Variants in ADPRM observed in about 807,000 individuals in gnomAD.
ADPRM encodes manganese-dependent ADP-ribose/CDP-alcohol diphosphatase.
Under a neutral mutation model 27.2 loss-of-function variants are expected in ADPRM, and 17 were observed. The observed-to-expected ratio is 0.63, with a 90% CI of 0.43 to 0.94. ADPRM has a LOEUF of 0.94. ADPRM is among the 40% of genes least tolerant of loss of function. The pLI, the probability that ADPRM is intolerant of heterozygous loss-of-function variation, is 0.00. For missense variants in ADPRM, 337 were observed against 412.8 expected, an observed-to-expected ratio of 0.82 and a Z score of 1.59; for synonymous variants, 135 against 145.3, an observed-to-expected ratio of 0.93 and a Z score of 0.51.
rs1184131338 is a variant in ADPRM, at chr17:10,710,966, ACTCTGAGGATC to A, written c.854_864del (p.Ser285PhefsTer13). On this transcript the variant is annotated frameshift_variant, in exon 4 of 4. Coordinates refer to ENST00000379774, the MANE Select transcript of ADPRM (RefSeq NM_020233.5). LOFTEE classifies it high-confidence loss of function. ...GCTGGTCACACCCATGATGGTGGCT[ACTCTGAGGATC>A]CTTTTGGTGTATACCACGTCAACCT... The A allele has an allele frequency of 2.1e-5, 34 of 1,613,952 alleles. No individual in the cohort carries two copies. The highest frequency in any genetic ancestry group is 2.7e-5 in the Non-Finnish European group (32 of 1,180,022).
At position 10,702,482 on chromosome 17, in the gene ADPRM, A is replaced by C. The variant is rs115923432; in HGVS notation, c.-17-2428A>C. Reference sequence around the variant, plus strand: ...AAATGACCAGTGTTCTAGCAGGGACAGGTGAATTTAGGTATTCAACTAATG... The same window carrying C: ...AAATGACCAGTGTTCTAGCAGGGACCGGTGAATTTAGGTATTCAACTAATG... On this transcript the variant is annotated intron_variant, in intron 1 of 3. Transcript: ENST00000379774. This position sits in a 1 kb window ranked among gnomAD's most constrained non-coding sequence, Gnocchi z 4.2. 3.2e-3 allele frequency among the ~76,000 whole-genome samples: 489 copies of C among 152,356 alleles called. No homozygotes were observed. The highest frequency in any genetic ancestry group is 0.011 in the African/African-American group (459 of 41,580).
At position 10,705,630 on chromosome 17, in the gene ADPRM, T is replaced by G. The variant is rs2074807920; in HGVS notation, c.601+103T>G. On this transcript the variant is annotated intron_variant, in intron 2 of 3. Transcript: ENST00000379774. The surrounding 1 kb of genome is among the most constrained non-coding windows in gnomAD (Gnocchi z 5.4). ...GGACAATTAAGGTAAAAGTATATTG[T>G]CACTTGTTCAGGGTCAGGATTTCTC... The G allele has an allele frequency of 2.0e-6, 3 of 1,473,910 alleles. No individual in the cohort carries two copies. Among genetic ancestry groups the G allele is most frequent in the South Asian group, 1.4e-5 (1 of 73,562 alleles). The allele number at this position is 1,473,910 out of a possible 1,614,324, so 91.3% of individuals were successfully genotyped here. A position where few individuals can be genotyped will look rare whatever the true frequency, so the allele number is the denominator to read the frequency against.
In ADPRM at chr17:10,711,010, G is replaced by A. The variant is rs770164926; in HGVS notation, c.895G>A (p.Val299Ile). The A allele has an allele frequency of 1.9e-6, 3 of 1,614,130 alleles. No individual in the cohort carries two copies. Among genetic ancestry groups the A allele is most frequent in the Admixed American group, 3.3e-5 (2 of 60,012 alleles). The change falls in exon 4 of 4, where the codon GTT becomes ATT. Residue 299 changes from valine (V) to isoleucine (I), a missense_variant. Coordinates refer to ENST00000379774, the MANE Select transcript of ADPRM (RefSeq NM_020233.5). ...FGVYHVNLEG[V>I]IETAPDSQAF... ...TGTATACCACGTCAACCTAGAAGGA[G>A]TTATTGAAACAGCTCCAGACAGCCA... is the stretch of plus-strand genomic sequence containing the variant.
intron 1 of ADPRM, chr17:10,698,446 G>A (rs1013274236): frequency 1.3e-5 from 2 of 151,806 alleles, no homozygotes; most frequent in African/African-American, 4.8e-5. Context: ...CTCCCTCCCC[G>A]CCCCTACCTC....
intron 3 of ADPRM, among the ~76,000 whole-genome samples, chr17:10,709,721 C>T (rs978451480): frequency 5.6e-5 from 4 of 71,026 alleles, no homozygotes; most frequent in South Asian, 3.6e-4. Context: ...CATGTATGCA[C>T]TTTAAAAAAA....
chr17:10,701,167 C>T (rs1012533286), intron 1 of ADPRM, among the ~76,000 whole-genome samples: 4 of 152,060 alleles, frequency 2.6e-5, no homozygotes, highest in African/African-American at 7.2e-5. Flanking sequence ...ACTTAGACAG[C>T]GTAGCATGTA....
intron 1 of ADPRM, among the ~76,000 whole-genome samples, chr17:10,699,802 G>A (rs547849930): frequency 6.6e-6 from 1 of 152,232 alleles, no homozygotes; most frequent in East Asian, 1.9e-4. Flanking sequence ...AAAGTGCTAG[G>A]ATTACAGGCT....
chr17:10,706,869 A>G (rs1380079890), intron 3 of ADPRM, among the ~76,000 whole-genome samples: 1 of 152,176 alleles, frequency 6.6e-6, no homozygotes, highest in Non-Finnish European at 1.5e-5. Flanking sequence ...TATTATTGAA[A>G]TCATTGTAGA....
At chr17:10,707,714 G>A (rs1232360102) in intron 3 of ADPRM, among the ~76,000 whole-genome samples, 1 of 152,248 alleles carries the variant, frequency 6.6e-6, no homozygotes, top group South Asian at 2.1e-4. Flanking sequence ...CACAGGGCAT[G>A]TGTGCTACAG....
intron 1 of ADPRM, among the ~76,000 whole-genome samples, chr17:10,701,741 A>T (rs550135522): frequency 6.6e-6 from 1 of 152,294 alleles, no homozygotes; most frequent in South Asian, 2.1e-4. Context: ...TCTGTATTTG[A>T]TGGAGGGAGG....
chr17:10,708,429 C>CAAAAAAAAAAAAAAAAAAA (rs1206878055), intron 3 of ADPRM, among the ~76,000 whole-genome samples: 1 of 30,598 alleles, frequency 3.3e-5, no homozygotes, highest in African/African-American at 1.7e-4. Context: ...AACTCCGTCT[C>CAAAAAAAAAAAAAAAAAAA]AAAAAAAAAA....
chr17:10,707,737 C>G (rs927548971), intron 3 of ADPRM, among the ~76,000 whole-genome samples: 1 of 152,218 alleles, frequency 6.6e-6, no homozygotes, highest in South Asian at 2.1e-4. Context: ...TCGGCTGGCA[C>G]TGAGCACTGT....
chr17:10,709,223 G>A (rs1428748933), intron 3 of ADPRM, among the ~76,000 whole-genome samples: 1 of 152,186 alleles, frequency 6.6e-6, no homozygotes, highest in Non-Finnish European at 1.5e-5. Context: ...AGTGGAGAGG[G>A]TAGGGCTTCA....
At chr17:10,708,909 G>T (rs1170354797) in intron 3 of ADPRM, among the ~76,000 whole-genome samples, 1 of 152,172 alleles carries the variant, frequency 6.6e-6, no homozygotes, top group African/African-American at 2.4e-5. Flanking sequence ...ATGTGATCCT[G>T]TGTTCTTCCC....
Position 10,711,075 on chromosome 17 carries a change from G to T in ADPRM, c.960G>T (p.Met320Ile). ...GTVHVYPDKM[M>I]LKGRGRVPDR... ...TTCATGTCTATCCTGACAAAATGAT[G>T]TTGAAAGGGAGAGGCAGAGTTCCAG... Residue 320 changes from methionine (M) to isoleucine (I), a missense_variant, in exon 4 of 4, where the codon ATG (methionine) becomes ATT (isoleucine). Met to Ile is a conservative substitution (Grantham distance 10, BLOSUM62 1). Transcript: ENST00000379774. 1.2e-6 allele frequency: 2 copies of T among 1,614,158 alleles called. No homozygotes were observed. The highest frequency in any genetic ancestry group is 1.7e-6 in the Non-Finnish European group (2 of 1,179,980).
At chr17:10,710,281 T>C (rs1057013229) in intron 3 of ADPRM, among the ~76,000 whole-genome samples, 3 of 152,184 alleles carry the variant, frequency 2.0e-5, no homozygotes, top group Non-Finnish European at 4.4e-5. Context: ...TTTGTATTTT[T>C]AGTAGAGACA....
chr17:10,701,632 A>G (rs1459111322), intron 1 of ADPRM, among the ~76,000 whole-genome samples: 2 of 152,094 alleles, frequency 1.3e-5, no homozygotes, highest in Admixed American at 6.5e-5. Flanking sequence ...CCTGGCCTAT[A>G]TGTACATTTT....
At chr17:10,698,729 A>C (rs2074753387) in intron 1 of ADPRM, among the ~76,000 whole-genome samples, 1 of 152,208 alleles carries the variant, frequency 6.6e-6, no homozygotes, top group African/African-American at 2.4e-5. Flanking sequence ...GTTGGACTAG[A>C]ATTTTCAGAA....
At chr17:10,707,365 C>T (rs2074819958) in intron 3 of ADPRM, among the ~76,000 whole-genome samples, 1 of 151,918 alleles carries the variant, frequency 6.6e-6, no homozygotes, top group South Asian at 2.1e-4. Context: ...CAAAGCAAGA[C>T]CCTATCTCAA....
Sources: gnomAD v4.1 joint callset for allele counts (sites outside exome capture counted in the v4.1 genomes callset) on GRCh38, gnomAD v4.1.1 for gene constraint, Gnocchi (gnomAD v3.1) non-coding constraint, MANE v1.5 for transcripts, NCBI Gene and HGNC (gene_info 2026-07-23, HGNC 2026-07-21) for gene names.